PRPF8: variants seen among roughly 807,000 people sequenced by gnomAD.
PRPF8 encodes the protein pre-mRNA processing factor 8.
PRPF8 carries 64 observed loss-of-function variants against 285.9 expected under a neutral mutation model. The ratio of observed to expected loss-of-function variants is 0.22; its 90% CI spans 0.18 to 0.28. PRPF8 has a LOEUF of 0.28. Ranked by LOEUF, PRPF8 falls within the 10% of genes least tolerant of loss-of-function variation. PRPF8 has a pLI of 1.00. For synonymous variants in PRPF8, 1,325 were observed against 1,118.2 expected (o/e 1.18, Z -3.69); for missense variants, 1,426 against 3,026.7 (o/e 0.47, Z 12.41).
chr17:1,681,421 C>A, intron 6 of PRPF8, 57 bp downstream of exon 6: 1 of 1,504,364 alleles, frequency 6.6e-7, no homozygotes, highest in Non-Finnish European at 9.3e-7. Flanking sequence ...CTTTAAGGAT[C>A]AAGATTACGT....
intron 3 of PRPF8, chr17:1,683,309 A>T (rs965034617): frequency 4.8e-6 from 3 of 620,888 alleles, no homozygotes; most frequent in Non-Finnish European, 8.5e-6. Flanking sequence ...ACATCTTATA[A>T]TATCATCAAC....
Position 1,658,761 on chromosome 17 carries a change from G to C in PRPF8, c.5141C>G (p.Ala1714Gly). The C allele has an allele frequency of 6.2e-7, 1 of 1,613,968 alleles. No homozygotes were observed. Among genetic ancestry groups the C allele is most frequent in the Non-Finnish European group, 8.5e-7 (1 of 1,179,830 alleles). The change falls in exon 33 of 43, where the codon GCC becomes GGC. Residue 1714 changes from alanine (A) to glycine (G), a missense_variant and splice_region_variant. Physicochemically the swap from Ala to Gly is moderately conservative, Grantham distance 60. Around this residue, in one of 34 missense-constraint regions of PRPF8, gnomAD observed 74 missense variants for 161.8 expected, o/e 0.46. Transcript: ENST00000304992. The surrounding 1 kb of genome is among the most constrained non-coding windows in gnomAD (Gnocchi z 4.1). ...GCTGCCTGGGAACCAGTTTCCATAG[G>C]CACTGTGAGGATAAAAGGGTCAAGA... ...AIDLAYNLHS[A>G]YGNWFPGSKP...
rs941516414 is a variant in PRPF8 at position 1,675,063 on chromosome 17, G to A, written c.3060+89C>T. The A allele has an allele frequency of 3.2e-5, 48 of 1,504,008 alleles. No homozygotes were observed. The highest frequency in any genetic ancestry group is 4.1e-5 in the Non-Finnish European group (45 of 1,090,124). The allele number at this position is 1,504,008 out of a possible 1,614,324, so 93.2% of individuals were successfully genotyped here. A position where few individuals can be genotyped will look rare whatever the true frequency, so the allele number is the denominator to read the frequency against. On this transcript the variant is annotated intron_variant, in intron 20 of 42. Coordinates refer to ENST00000304992, the MANE Select transcript of PRPF8 (RefSeq NM_006445.4). This position sits in a 1 kb window ranked among gnomAD's most constrained non-coding sequence, Gnocchi z 6.0. ...GCTGGGATTACAGGCATGAGCCACC[G>A]CACCCAGCCTCCTCCTCAGCAAATT...
intron 21 of PRPF8, 85 bp downstream of exon 21, chr17:1,674,357 G>A: frequency 5.9e-6 from 8 of 1,359,642 alleles, no homozygotes; most frequent in African/African-American, 2.9e-5. Flanking sequence ...CAGCAGTTAA[G>A]TCAACTCAGG....
chr17:1,664,559 C>T (rs530414545), intron 24 of PRPF8, among the ~76,000 whole-genome samples: 2 of 152,234 alleles, frequency 1.3e-5, no homozygotes, highest in South Asian at 4.1e-4. Flanking sequence ...GTAATCCCAA[C>T]TCTTTGGAAG....
chr17:1,678,481 C>T (rs1912733795), intron 13 of PRPF8, 37 bp downstream of exon 13: 3 of 1,613,686 alleles, frequency 1.9e-6, no homozygotes, highest in Non-Finnish European at 2.5e-6. Context: ...AAGACTCTGT[C>T]TCAAAAAAAA....
rs778903302 is a variant in PRPF8 at position 1,675,346 on chromosome 17, A to AGTAG, written c.2873-11_2873-8dup. 4 of 1,614,098 alleles carry AGTAG rather than the reference A, an allele frequency of 2.5e-6. No individual in the cohort carries two copies. Among genetic ancestry groups the AGTAG allele is most frequent in the Non-Finnish European group, 2.5e-6 (3 of 1,180,006 alleles). ...TCCTGCAGGTTATTGATGCCTGAGG[A>AGTAG]GTAGCAAGGCAGGTCTCCAGCAGGT... On this transcript the variant is annotated splice_polypyrimidine_tract_variant and splice_region_variant and intron_variant, in intron 19 of 42. Coordinates refer to ENST00000304992, the MANE Select transcript of PRPF8 (RefSeq NM_006445.4). This position sits in a 1 kb window ranked among gnomAD's most constrained non-coding sequence, Gnocchi z 6.0.
Position 1,679,770 on chromosome 17 carries a change from CTCA to C in PRPF8, c.1125_1127del (p.Asp375del), listed in dbSNP as rs780728093. Reference sequence around the variant, plus strand: ...CCACAAACTCCGGGAGCTCAAATTCCTCATCATCATCCGGCAATGGTTCCTGGC... The same window carrying C: ...CCACAAACTCCGGGAGCTCAAATTCCTCATCATCCGGCAATGGTTCCTGGC... On this transcript the variant is annotated inframe_deletion, in exon 9 of 43. Transcript: ENST00000304992. The surrounding 1 kb of genome is among the most constrained non-coding windows in gnomAD (Gnocchi z 4.7). The C allele has an allele frequency of 6.2e-7, 1 of 1,614,082 alleles. No individual in the cohort carries two copies. Among genetic ancestry groups the C allele is most frequent in the Admixed American group, 1.7e-5 (1 of 59,992 alleles).
Position 1,679,892 on chromosome 17 carries a change from G to T in PRPF8, c.1099-93C>A. 6.9e-7 allele frequency: 1 copy of T among 1,439,774 alleles called. No individual in the cohort carries two copies. The highest frequency in any genetic ancestry group is 9.8e-7 in the Non-Finnish European group (1 of 1,021,752). The allele number at this position is 1,439,774 out of a possible 1,614,324, so 89.2% of individuals were successfully genotyped here. The stretch of plus-strand genomic sequence containing the variant: ...TTCTCTGGGGCCAAGCACAAAGCCT[G>T]TATCTGCTATGGAAACTGGGCTGTC... On this transcript the variant is annotated intron_variant, in intron 8 of 42. Transcript: ENST00000304992. This position sits in a 1 kb window ranked among gnomAD's most constrained non-coding sequence, Gnocchi z 4.7.
Position 1,667,538 on chromosome 17 carries a change from CTTTTTTT to C in PRPF8, c.3775-5392_3775-5386del, listed in dbSNP as rs34888623. Among the ~76,000 whole-genome samples the C allele has an allele frequency of 9.8e-5, 10 of 102,048 alleles. No individual in the cohort carries two copies. The East Asian group carries it at 1.4e-3, about 14-fold the overall frequency. 66.9% of individuals were successfully genotyped at this position (102,048 alleles called of 152,430 possible). On this transcript the variant is annotated intron_variant, in intron 24 of 42. Transcript: ENST00000304992. ...GTTATAGAACTTGCCCATGACATAG[CTTTTTTT>C]TTTTTTTTTTTTTTTTGAGATGGAG...
chr17:1,660,634 C>A (rs1017221172), intron 29 of PRPF8, 56 bp from the exon 30 acceptor site: 1 of 1,614,196 alleles, frequency 6.2e-7, no homozygotes, highest in African/African-American at 1.3e-5. Flanking sequence ...GCGCTCACGA[C>A]ATAACCAAGG....
At chr17:1,681,372 A>G in intron 6 of PRPF8, 106 bp downstream of exon 6, 1 of 1,260,666 alleles carries the variant, frequency 7.9e-7, no homozygotes, top group African/African-American at 1.5e-5. Flanking sequence ...GAGCCACTGC[A>G]CCTGGTGTAA....
intron 24 of PRPF8, among the ~76,000 whole-genome samples, chr17:1,670,110 C>T (rs1003205471): frequency 6.7e-5 from 10 of 150,184 alleles, no homozygotes; most frequent in African/African-American, 2.5e-4. Flanking sequence ...TAAAGAGGCA[C>T]CACTAAGGGA....
chr17:1,683,255 A>G lies in PRPF8; in HGVS notation c.269+278T>C, dbSNP rs533609875. 1.4e-3 allele frequency: 637 copies of G among 459,104 alleles called. 7 individuals are homozygous for G. Among genetic ancestry groups the G allele is most frequent in the African/African-American group, 0.011 (543 of 50,344 alleles). The allele number at this position is 459,104 out of a possible 1,614,324, so 28.4% of individuals were successfully genotyped here. ...CATGATCCACCCGCCTCGGCCTCCC[A>G]AAGTGCTGGGATTACAGGCATGAGC... is the stretch of plus-strand genomic sequence containing the variant. On this transcript the variant is annotated intron_variant, in intron 3 of 42. Coordinates refer to ENST00000304992, the MANE Select transcript of PRPF8 (RefSeq NM_006445.4).
chr17:1,684,816 A>C lies in PRPF8; in HGVS notation c.-48T>G. The stretch of plus-strand genomic sequence containing the variant: ...TCACACAAGAGGCCGCTTTCCCCGC[A>C]GCGCAATGGCGGCCAGACTGCGTCC... On this transcript the variant is annotated 5_prime_UTR_variant, in exon 1 of 43. Coordinates refer to ENST00000304992, the MANE Select transcript of PRPF8 (RefSeq NM_006445.4). 1 of 597,634 alleles carries C rather than the reference A, an allele frequency of 1.7e-6. No homozygotes were observed. The highest frequency in any genetic ancestry group is 3.0e-5 in the Admixed American group (1 of 33,852). 37.0% of individuals were successfully genotyped at this position (597,634 alleles called of 1,614,324 possible).
At chr17:1,669,260 C>T (rs186598440) in intron 24 of PRPF8, among the ~76,000 whole-genome samples, 1 of 152,192 alleles carries the variant, frequency 6.6e-6, no homozygotes, top group Non-Finnish European at 1.5e-5. Flanking sequence ...GCACCCGCCA[C>T]CGCGCCTGGC....
chr17:1,684,524 G>A lies in PRPF8; in HGVS notation c.48C>T (p.Gly16=), dbSNP rs774445104. 5 of 1,612,486 alleles carry A rather than the reference G, an allele frequency of 3.1e-6. No homozygotes were observed. The highest frequency in any genetic ancestry group is 1.7e-5 in the Admixed American group (1 of 60,004). Residue 16 remains glycine, a synonymous_variant, in exon 2 of 43, where the codon GGC becomes GGT. Coordinates refer to ENST00000304992, the MANE Select transcript of PRPF8 (RefSeq NM_006445.4). ...PYRGPGNPVP[G]PLAPLPDYMS... Reference sequence around the variant, plus strand: ...TGTAGTCCGGTAGCGGGGCTAGAGGGCCAGGCACCGGGTTACCCGGCCCTC... The same window carrying A: ...TGTAGTCCGGTAGCGGGGCTAGAGGACCAGGCACCGGGTTACCCGGCCCTC...
At chr17:1,674,075 C>A (rs959084632) in intron 21 of PRPF8, among the ~76,000 whole-genome samples, 183 bp from the exon 22 acceptor site, 17 of 151,966 alleles carry the variant, frequency 1.1e-4, no homozygotes, top group African/African-American at 3.9e-4. Context: ...CAGGCTGGAG[C>A]GCAGCGGCGC....
intron 34 of PRPF8, 135 bp from the exon 35 acceptor site, chr17:1,656,896 G>T (rs1324579357): frequency 1.2e-6 from 1 of 848,906 alleles, no homozygotes; most frequent in Non-Finnish European, 1.9e-6. Context: ...GCACTTAGAA[G>T]GTACAAAGAG....
Sources: gnomAD v4.1 joint callset for allele counts (sites outside exome capture counted in the v4.1 genomes callset) on GRCh38, gnomAD v4.1.1 for gene constraint, gnomAD v4.1.1 regional missense constraint, Gnocchi (gnomAD v3.1) non-coding constraint, MANE v1.5 for transcripts, NCBI Gene and HGNC (gene_info 2026-07-23, HGNC 2026-07-21) for gene names.